The following RPTOR variants were observed in gnomAD, a reference collection of about 807,000 sequenced individuals.
RPTOR encodes regulatory associated protein of MTOR complex 1, also known as regulatory-associated protein of mTOR.
A neutral mutation model predicts 169.9 loss-of-function variants in RPTOR; 21 were observed. The observed-to-expected ratio is 0.12, with a 90% CI of 0.09 to 0.18. The LOEUF is 0.18. RPTOR is among the 10% of genes least tolerant of loss of function. The pLI is 1.00. For synonymous variants in RPTOR, 732 were observed against 753.2 expected (o/e 0.97, Z 0.46); for missense variants, 1,133 against 1,855.9 (o/e 0.61, Z 7.16).
At chr17:80,781,588 C>T (rs887628331) in intron 6 of RPTOR, among the ~76,000 whole-genome samples, 1 of 152,194 alleles carries the variant, frequency 6.6e-6, no homozygotes, top group Admixed American at 6.5e-5. Context: ...TCGCGTGGGG[C>T]CTCTGCAGCA....
At position 80,922,757 on chromosome 17, in the gene RPTOR, G is replaced by A. The variant is rs372899138; in HGVS notation, c.2554G>A (p.Asp852Asn). ...GAACGCCCGGCCGCAGCGCGTCCTGGACACCTCCTCCCTCACGCAGTCGGC... is the reference window on the plus strand; with the variant it reads ...GAACGCCCGGCCGCAGCGCGTCCTGAACACCTCCTCCCTCACGCAGTCGGC... ...TVNARPQRVL[D>N]TSSLTQSAPA... The change falls in exon 22 of 34, where the codon GAC becomes AAC. Residue 852 changes from aspartate to asparagine, a missense_variant. By Grantham distance (23) the Asp-to-Asn change is conservative. Around this residue, in one of 9 missense-constraint regions of RPTOR, gnomAD observed 123 missense variants for 129.0 expected, o/e 0.95. Coordinates refer to ENST00000306801, the MANE Select transcript of RPTOR (RefSeq NM_020761.3). The A allele has an allele frequency of 1.3e-6, 2 of 1,588,824 alleles. No homozygotes were observed. The highest frequency in any genetic ancestry group is 1.7e-6 in the Non-Finnish European group (2 of 1,171,842).
intron 7 of RPTOR, chr17:80,805,041 G>C (rs2067204631): frequency 6.6e-6 from 1 of 152,214 alleles, no homozygotes; most frequent in Non-Finnish European, 1.5e-5. Context: ...ACACAAGGCT[G>C]CCTGTATTTG....
At position 80,891,635 on chromosome 17, in the gene RPTOR, T is replaced by G. The variant is rs1320413064; in HGVS notation, c.1984-85T>G. The G allele has an allele frequency of 6.4e-5, 59 of 918,526 alleles. 1 individual carries two copies. The East Asian group carries it at 1.4e-3, about 22-fold the overall frequency. The allele number at this position is 918,526 out of a possible 1,614,324, so 56.9% of individuals were successfully genotyped here. On this transcript the variant is annotated intron_variant, in intron 17 of 33. Transcript: ENST00000306801. Reference sequence around the variant, plus strand: ...CGGTTTTGTCTTAACCTTTCTTTTTTCTGTTGGTGACTCAAGTCTCACTGC... The same window carrying G: ...CGGTTTTGTCTTAACCTTTCTTTTTGCTGTTGGTGACTCAAGTCTCACTGC...
chr17:80,740,367 G>T (rs1196015729), intron 5 of RPTOR, among the ~76,000 whole-genome samples: 1 of 152,140 alleles, frequency 6.6e-6, no homozygotes, highest in Non-Finnish European at 1.5e-5. Context: ...CACCGGTTTT[G>T]TACAAGCTCT....
chr17:80,644,345 TTTTG>T (rs944799461), intron 3 of RPTOR, among the ~76,000 whole-genome samples: 2 of 151,318 alleles, frequency 1.3e-5, no homozygotes, highest in Non-Finnish European at 2.9e-5. Flanking sequence ...TCTTACAGTT[TTTTG>T]TTTGTTTGTT....
intron 5 of RPTOR, among the ~76,000 whole-genome samples, chr17:80,733,201 A>T (rs970708235): frequency 1.3e-5 from 2 of 152,196 alleles, no homozygotes; most frequent in African/African-American, 4.8e-5. Context: ...CAAAGCACAG[A>T]TACAGTATTG....
At chr17:80,776,623 G>A (rs946406573) in intron 6 of RPTOR, among the ~76,000 whole-genome samples, 2 of 151,980 alleles carry the variant, frequency 1.3e-5, no homozygotes, top group East Asian at 3.9e-4. Context: ...TGTGCCCGGC[G>A]CTGCCAAACT....
intron 1 of RPTOR, among the ~76,000 whole-genome samples, chr17:80,590,530 AGC>A (rs1306087903): frequency 2.8e-5 from 4 of 144,782 alleles, no homozygotes; most frequent in South Asian, 4.4e-4. Flanking sequence ...GCTGTGTGTT[AGC>A]ATGGTGAAGG....
chr17:80,690,574 C>G (rs4889883), intron 3 of RPTOR, among the ~76,000 whole-genome samples: 3 of 151,378 alleles, frequency 2.0e-5, no homozygotes, highest in African/African-American at 4.9e-5. Context: ...GCTTCTCCCC[C>G]CTTGCCCTGG....
intron 21 of RPTOR, among the ~76,000 whole-genome samples, chr17:80,910,975 C>T (rs747810262): frequency 9.2e-5 from 14 of 152,048 alleles, no homozygotes; most frequent in Non-Finnish European, 1.9e-4. Context: ...GGACTACAGG[C>T]GTGAGCCACC....
chr17:80,565,762 T>C (rs753093132), intron 1 of RPTOR, among the ~76,000 whole-genome samples: 1 of 152,236 alleles, frequency 6.6e-6, no homozygotes, highest in Non-Finnish European at 1.5e-5. Flanking sequence ...GGTGGATTAA[T>C]TTCCCTAATC....
At chr17:80,563,153 A>T (rs2084522642) in intron 1 of RPTOR, among the ~76,000 whole-genome samples, 1 of 152,090 alleles carries the variant, frequency 6.6e-6, no homozygotes, top group Non-Finnish European at 1.5e-5. Flanking sequence ...TCGTACACAC[A>T]GCTCTTTTCA....
At chr17:80,838,314 G>A (rs900229816) in intron 10 of RPTOR, among the ~76,000 whole-genome samples, 2 of 152,162 alleles carry the variant, frequency 1.3e-5, no homozygotes, top group African/African-American at 4.8e-5. Context: ...CACCACAGAC[G>A]CGTTGTGGAT....
intron 13 of RPTOR, among the ~76,000 whole-genome samples, chr17:80,877,016 T>G (rs11650578): frequency 1.6e-4 from 19 of 117,102 alleles, no homozygotes; most frequent in Middle Eastern, 5.0e-3. Flanking sequence ...TGTCGCCTGC[T>G]GGGTCTTCCC....
chr17:80,697,327 T>C (rs2066045432), intron 3 of RPTOR, among the ~76,000 whole-genome samples: 1 of 152,208 alleles, frequency 6.6e-6, no homozygotes, highest in Non-Finnish European at 1.5e-5. Flanking sequence ...AAGAATCAAT[T>C]GGGAAAGGGT....
chr17:80,906,880 C>T (rs142228041), intron 20 of RPTOR, among the ~76,000 whole-genome samples: 82 of 152,222 alleles, frequency 5.4e-4, no homozygotes, highest in East Asian at 2.3e-3. Flanking sequence ...TCAGGAGCCA[C>T]GGGCATGGGG....
intron 2 of RPTOR, among the ~76,000 whole-genome samples, chr17:80,638,111 A>G (rs2065522356): frequency 6.6e-6 from 1 of 152,248 alleles, no homozygotes; most frequent in African/African-American, 2.4e-5. Flanking sequence ...AACAGAGACC[A>G]ATACGAGGTC....
At chr17:80,776,068 A>G (rs1408864469) in intron 6 of RPTOR, among the ~76,000 whole-genome samples, 1 of 152,030 alleles carries the variant, frequency 6.6e-6, no homozygotes, top group Non-Finnish European at 1.5e-5. Flanking sequence ...CCATGGTAGC[A>G]TGCAGCTGTA....
intron 3 of RPTOR, among the ~76,000 whole-genome samples, chr17:80,685,686 C>G (rs1490519038): frequency 9.3e-6 from 1 of 107,364 alleles, no homozygotes; most frequent in Non-Finnish European, 1.8e-5. Flanking sequence ...TGTCTTTTGC[C>G]ATTTGCCTCA....
Sources: allele counts gnomAD v4.1 joint callset (sites outside exome capture counted in the v4.1 genomes callset), GRCh38; gene constraint gnomAD v4.1.1; regional missense constraint gnomAD v4.1.1; transcripts MANE v1.5; gene names NCBI Gene and HGNC (gene_info 2026-07-23, HGNC 2026-07-21).